DLG5: variants seen among roughly 807,000 people sequenced by gnomAD.
DLG5 encodes disks large homolog 5.
Under a neutral mutation model 189.8 loss-of-function variants are expected in DLG5, and 48 were observed. That is an observed-to-expected ratio of 0.25 (90% CI 0.20 to 0.32). The LOEUF (loss-of-function observed/expected upper bound fraction) is 0.32. DLG5 is among the 10% of genes least tolerant of loss of function. The pLI, the probability that DLG5 is intolerant of heterozygous loss-of-function variation, is 1.00. For missense variants in DLG5, 2,160 were observed against 2,544.7 expected, an observed-to-expected ratio of 0.85 and a Z score of 3.25; for synonymous variants, 1,016 against 1,054.1, an observed-to-expected ratio of 0.96 and a Z score of 0.70.
At chr10:77,834,759 C>A (rs1258050261) in intron 8 of DLG5, among the ~76,000 whole-genome samples, 2 of 152,092 alleles carry the variant, frequency 1.3e-5, no homozygotes, top group African/African-American at 2.4e-5. Flanking sequence ...CTGAGGACTG[C>A]CCCCTGGAGA....
Position 77,808,004 on chromosome 10 carries a change from C to T in DLG5, c.4648-60G>A, listed in dbSNP as rs78774645. The T allele has an allele frequency of 0.029, 46,374 of 1,599,736 alleles. 1,300 individuals are homozygous for T. Among genetic ancestry groups the T allele is most frequent in the East Asian group, 0.18 (7,793 of 44,494 alleles). ...GAAGCCAGGGGGCAGCTTGGGCACCCGAGAGGGGCCAGTGCTGACCATACG... is the reference window on the plus strand; with the variant it reads ...GAAGCCAGGGGGCAGCTTGGGCACCTGAGAGGGGCCAGTGCTGACCATACG... On this transcript the variant is annotated intron_variant, in intron 24 of 31. Transcript: ENST00000372391.
intron 7 of DLG5, among the ~76,000 whole-genome samples, chr10:77,840,827 T>C (rs1843382117): frequency 6.6e-6 from 1 of 152,140 alleles, no homozygotes; most frequent in Non-Finnish European, 1.5e-5. Flanking sequence ...CCACATCCCC[T>C]ACCACTGCCC....
Position 77,821,188 on chromosome 10 carries a change from G to A in DLG5, c.3296C>T (p.Thr1099Ile). 6.2e-7 allele frequency: 1 copy of A among 1,614,156 alleles called. No homozygotes were observed. Among genetic ancestry groups the A allele is most frequent in the Non-Finnish European group, 8.5e-7 (1 of 1,180,020 alleles). Residue 1099 changes from threonine (T) to isoleucine (I), a missense_variant, in exon 15 of 32, where the codon ACC becomes ATC. This residue lies in a region of DLG5 where 754 missense variants were observed against 746.5 expected (regional missense o/e 1.01). Coordinates refer to ENST00000372391, the MANE Select transcript of DLG5 (RefSeq NM_004747.4). Reference protein sequence around the residue: ...PAKKSCDEDLTSQKVDELGQK... With the variant: ...PAKKSCDEDLISQKVDELGQK... ...CCCCAGCTCATCCACCTTCTGGGAG[G>A]TGAGGTCCTCATCACAGGATTTCTT...
At chr10:77,872,229 A>G (rs1189081609) in intron 1 of DLG5, among the ~76,000 whole-genome samples, 2 of 152,206 alleles carry the variant, frequency 1.3e-5, no homozygotes, top group African/African-American at 4.8e-5. Context: ...TCTTGGCATC[A>G]GCAGTGCCCC....
In DLG5 at chr10:77,819,980, C is replaced by T. The variant is rs759453399; in HGVS notation, c.3441G>A (p.Pro1147=). The part of the protein sequence containing the change: ...KCVPASGELS[P]ELQEWAPYSP... ...AGTAAGGTGCCCACTCCTGGAGCTC[C>T]GGGGAGAGTTCTCCACTGGCCGGGA... is the stretch of plus-strand genomic sequence containing the variant. The change falls in exon 16 of 32, where the codon CCG becomes CCA. Residue 1147 remains proline (P), a synonymous_variant. Transcript: ENST00000372391. 27 of 1,613,224 alleles carry T rather than the reference C, an allele frequency of 1.7e-5. No homozygotes were observed. The highest frequency in any genetic ancestry group is 8.9e-5 in the East Asian group (4 of 44,846).
At chr10:77,870,912 G>C (rs964354362) in intron 1 of DLG5, among the ~76,000 whole-genome samples, 5 of 152,022 alleles carry the variant, frequency 3.3e-5, no homozygotes, top group Non-Finnish European at 7.4e-5. Flanking sequence ...AGGGCAGAGA[G>C]ATAGACTGCA....
intron 1 of DLG5, among the ~76,000 whole-genome samples, chr10:77,896,508 A>G (rs965509983): frequency 5.3e-5 from 8 of 152,186 alleles, no homozygotes; most frequent in African/African-American, 1.9e-4. Context: ...TCAGGAAAAC[A>G]AGTTTTATAT....
chr10:77,830,519 C>T (rs941902108), intron 10 of DLG5, among the ~76,000 whole-genome samples, 175 bp from the exon 11 acceptor site: 5 of 152,198 alleles, frequency 3.3e-5, no homozygotes, highest in Non-Finnish European at 5.9e-5. Context: ...CCCCTTCTGG[C>T]CACTGCAGAC....
intron 1 of DLG5, among the ~76,000 whole-genome samples, chr10:77,917,170 T>TA (rs1384963270): frequency 3.3e-5 from 5 of 150,786 alleles, no homozygotes; most frequent in Non-Finnish European, 7.4e-5. Flanking sequence ...CCCCGTCTCT[T>TA]AAAAAAATAC....
intron 9 of DLG5, among the ~76,000 whole-genome samples, 194 bp downstream of exon 9, chr10:77,833,720 A>T (rs189014095): frequency 6.6e-6 from 1 of 152,316 alleles, no homozygotes; most frequent in East Asian, 1.9e-4. Context: ...AATTAACCCT[A>T]CATGGAGATG....
chr10:77,918,218 C>T (rs1243665126), intron 1 of DLG5, among the ~76,000 whole-genome samples: 1 of 152,058 alleles, frequency 6.6e-6, no homozygotes, highest in Non-Finnish European at 1.5e-5. Flanking sequence ...CAAGACCAGC[C>T]TGGCCAACAT....
At chr10:77,883,691 CTTTTTTTTTTTTTTT>C (rs36028891) in intron 1 of DLG5, among the ~76,000 whole-genome samples, 2 of 96,460 alleles carry the variant, frequency 2.1e-5, no homozygotes, top group Admixed American at 2.7e-4. Context: ...TAACATTGTT[CTTTTTTTTTTTTTTT>C]TTTTTTTTGA....
intron 10 of DLG5, 103 bp downstream of exon 10, chr10:77,830,638 C>T (rs1012214512): frequency 6.6e-7 from 1 of 1,520,090 alleles, no homozygotes; most frequent in Admixed American, 1.8e-5. Flanking sequence ...AAAAGGAGAA[C>T]CTCCAAACTT....
intron 1 of DLG5, among the ~76,000 whole-genome samples, chr10:77,921,925 G>C (rs1174028090): frequency 6.6e-6 from 1 of 152,218 alleles, no homozygotes; most frequent in African/African-American, 2.4e-5. Context: ...TAGAGGCCTG[G>C]TGGGAATGAC....
At chr10:77,886,032 G>T (rs1589253476) in intron 1 of DLG5, among the ~76,000 whole-genome samples, 1 of 152,224 alleles carries the variant, frequency 6.6e-6, no homozygotes, top group Non-Finnish European at 1.5e-5. Context: ...CAACAGAGAG[G>T]GGCAGTCGGT....
rs547498021 is a variant in DLG5 at position 77,830,425 on chromosome 10, C to T, written c.1882-81G>A. ...GGCTCTTAAGCCCCGAAGCTGCCCA[C>T]TCCAATGTGGGGGACTGTCCCTTCA... is the stretch of plus-strand genomic sequence containing the variant. On this transcript the variant is annotated intron_variant, in intron 10 of 31. Transcript: ENST00000372391. 54 of 1,591,800 alleles carry T rather than the reference C, an allele frequency of 3.4e-5. No individual in the cohort carries two copies. The African/African-American group carries it at 6.0e-4, about 18-fold the overall frequency.
At chr10:77,871,297 AG>A (rs1844887021) in intron 1 of DLG5, among the ~76,000 whole-genome samples, 1 of 152,016 alleles carries the variant, frequency 6.6e-6, no homozygotes, top group South Asian at 2.1e-4. Flanking sequence ...CCTGAGGGTG[AG>A]GGGGTGAGAC....
At chr10:77,798,686 G>T (rs1327811371) in intron 27 of DLG5, among the ~76,000 whole-genome samples, 2 of 152,172 alleles carry the variant, frequency 1.3e-5, no homozygotes, top group Non-Finnish European at 2.9e-5. Context: ...GGGCCGCTCT[G>T]CTCCTTTTGG....
chr10:77,875,376 GCT>G (rs1845051507), intron 1 of DLG5, among the ~76,000 whole-genome samples: 1 of 152,160 alleles, frequency 6.6e-6, no homozygotes, highest in African/African-American at 2.4e-5. Context: ...TCAGAGCAGG[GCT>G]GGCTTGGGCC....
Sources: allele counts gnomAD v4.1 joint callset (sites outside exome capture counted in the v4.1 genomes callset), GRCh38; gene constraint gnomAD v4.1.1; regional missense constraint gnomAD v4.1.1; transcripts MANE v1.5; gene names NCBI Gene and HGNC (gene_info 2026-07-23, HGNC 2026-07-21).